Variants in PNPT1 observed in about 807,000 individuals in gnomAD.
PNPT1 encodes the protein polyribonucleotide nucleotidyltransferase 1.
PNPT1 carries 53 observed loss-of-function variants against 119.5 expected under a neutral mutation model. That is an observed-to-expected ratio of 0.44 (90% CI 0.36 to 0.56). PNPT1 has a LOEUF of 0.56. Among genes scored for constraint, PNPT1 ranks in the 20% least tolerant of loss-of-function variants. PNPT1 has a pLI of 0.00. For missense variants in PNPT1, 948 were observed against 938.5 expected (o/e 1.01, Z -0.13); for synonymous variants, 357 against 322.1 (o/e 1.11, Z -1.16).
At chr2:55,679,550 A>G in intron 8 of PNPT1, 132 bp downstream of exon 8, 2 of 601,016 alleles carry the variant, frequency 3.3e-6, no homozygotes, top group Non-Finnish European at 5.8e-6. Context: ...GCACAAAAAT[A>G]GGACAGAGAT....
At chr2:55,678,884 ATTAC>A (rs1420121690) in intron 8 of PNPT1, among the ~76,000 whole-genome samples, 13 of 152,256 alleles carry the variant, frequency 8.5e-5, no homozygotes, top group African/African-American at 3.1e-4. Context: ...TGTTTCACAT[ATTAC>A]TTGTACAAAA....
Position 55,668,036 on chromosome 2 carries a change from T to C in PNPT1, c.977-78A>G, listed in dbSNP as rs1696793088. ...GATTTCTCTAAAGTTCATAGCATAA[T>C]ATCAACTAACTACGGGAATCAACCA... is the stretch of plus-strand genomic sequence containing the variant. On this transcript the variant is annotated intron_variant, in intron 11 of 27. Transcript: ENST00000447944. 3 of 1,250,852 alleles carry C rather than the reference T, an allele frequency of 2.4e-6. 1 individual carries two copies. Among genetic ancestry groups the C allele is most frequent in the Admixed American group, 2.9e-5 (1 of 34,806 alleles). 77.5% of individuals were successfully genotyped at this position (1,250,852 alleles called of 1,614,324 possible). A position where few individuals can be genotyped will look rare whatever the true frequency, so the allele number is the denominator to read the frequency against.
In PNPT1 at chr2:55,643,162, T is replaced by C. The variant is rs1695885566; in HGVS notation, c.2065A>G (p.Ile689Val). Reference sequence around the variant, plus strand: ...TAGTATATTACTTGATATTACCTGATTTCAGTTATTGTGGCGGTATATACT... The same window carrying C: ...TAGTATATTACTTGATATTACCTGACTTCAGTTATTGTGGCGGTATATACT... ...GAVYTATITE[I>V]RDTGVMVKLY... Residue 689 changes from isoleucine to valine, a missense_variant, in exon 25 of 28, where the codon ATC becomes GTC. Physicochemically the swap from Ile to Val is conservative, Grantham distance 29 (BLOSUM62 3). Transcript: ENST00000447944. 1 of 1,614,004 alleles carries C rather than the reference T, an allele frequency of 6.2e-7. No individual in the cohort carries two copies. Among genetic ancestry groups the C allele is most frequent in the Admixed American group, 1.7e-5 (1 of 59,998 alleles).
In PNPT1 at chr2:55,635,934, T is replaced by C. The variant is rs998417243; in HGVS notation, c.*303A>G. 4 of 80,396 alleles carry C rather than the reference T, an allele frequency of 5.0e-5. No individual in the cohort carries two copies. Among genetic ancestry groups the C allele is most frequent in the Non-Finnish European group, 8.2e-5 (3 of 36,518 alleles). The allele number at this position is 80,396 out of a possible 1,614,324, so 5.0% of individuals were successfully genotyped here. A position where few individuals can be genotyped will look rare whatever the true frequency, so the allele number is the denominator to read the frequency against. ...TGTTATAATAACATATGACATATTC[T>C]ATCTAAGTTTTTCATATATTTCAGA... On this transcript the variant is annotated 3_prime_UTR_variant, in exon 28 of 28. Transcript: ENST00000447944.
chr2:55,653,231 G>A (rs1365386379), intron 18 of PNPT1, among the ~76,000 whole-genome samples: 1 of 152,094 alleles, frequency 6.6e-6, no homozygotes, highest in Non-Finnish European at 1.5e-5. Flanking sequence ...AGTTCATTGG[G>A]TTATACTTTA....
intron 8 of PNPT1, among the ~76,000 whole-genome samples, chr2:55,675,585 C>A (rs1420692282): frequency 1.3e-5 from 2 of 152,118 alleles, no homozygotes; most frequent in African/African-American, 4.8e-5. Context: ...GGATTCCCAG[C>A]TACTCAGGAG....
intron 17 of PNPT1, 27 bp downstream of exon 17, chr2:55,656,104 T>C (rs959232201): frequency 1.3e-6 from 2 of 1,597,124 alleles, no homozygotes; most frequent in Non-Finnish European, 1.7e-6. Flanking sequence ...TCTTTTCTAC[T>C]ATGAAAGAAG....
At chr2:55,657,789 A>T (rs1324232060) in intron 15 of PNPT1, among the ~76,000 whole-genome samples, 1 of 141,448 alleles carries the variant, frequency 7.1e-6, no homozygotes, top group East Asian at 2.3e-4. Flanking sequence ...ATGAGTGTAC[A>T]ATCAGCAACA....
chr2:55,637,649 G>C (rs747063351), intron 26 of PNPT1, 50 bp from the exon 27 acceptor site: 4 of 1,378,040 alleles, frequency 2.9e-6, no homozygotes, highest in Admixed American at 1.8e-5. Context: ...ATTATGTAGT[G>C]TCCATGGAAG....
In PNPT1 at chr2:55,647,436, C is replaced by A. The variant is rs1416075980; in HGVS notation, c.1513G>T (p.Ala505Ser). ...LMDSGVPISS[A>S]VAGVAIGLVT... ...AATCCTATTGCTACGCCTGCAACAG[C>A]AGATGAAATTGGAACCCCTATAATT... The change falls in exon 19 of 28, where the codon GCT (alanine) becomes TCT (serine). Residue 505 changes from alanine (A) to serine (S), a missense_variant. Physicochemically the swap from Ala to Ser is moderately conservative, Grantham distance 99 (BLOSUM62 1). Transcript: ENST00000447944. The A allele has an allele frequency of 2.5e-6, 4 of 1,607,946 alleles. No individual in the cohort carries two copies. Among genetic ancestry groups the A allele is most frequent in the Non-Finnish European group, 2.6e-6 (3 of 1,176,244 alleles).
Position 55,647,057 on chromosome 2 carries a change from G to C in PNPT1, c.1602+290C>G, listed in dbSNP as rs563318343. On this transcript the variant is annotated intron_variant, in intron 19 of 27. Coordinates refer to ENST00000447944, the MANE Select transcript of PNPT1 (RefSeq NM_033109.5). Reference sequence around the variant, plus strand: ...TTGCCACATTAGCCAGACTGGTCTGGAACTCCTGACTTCCCAAAGTGCTGG... The same window carrying C: ...TTGCCACATTAGCCAGACTGGTCTGCAACTCCTGACTTCCCAAAGTGCTGG... Among the ~76,000 whole-genome samples, 9 of 152,116 alleles carry C rather than the reference G, an allele frequency of 5.9e-5. No individual in the cohort carries two copies. The South Asian group carries it at 1.9e-3, about 32-fold the overall frequency.
intron 5 of PNPT1, among the ~76,000 whole-genome samples, chr2:55,681,231 A>G (rs1268107628): frequency 6.6e-6 from 1 of 151,964 alleles, no homozygotes; most frequent in Non-Finnish European, 1.5e-5. Flanking sequence ...ACATGGTGAA[A>G]CTCTGTCGCT....
intron 18 of PNPT1, among the ~76,000 whole-genome samples, chr2:55,654,568 A>G (rs1377061681): frequency 6.6e-6 from 1 of 152,226 alleles, no homozygotes; most frequent in East Asian, 1.9e-4. Context: ...TACTGCTTTT[A>G]GCTAAAAATA....
intron 2 of PNPT1, 53 bp from the exon 3 acceptor site, chr2:55,686,497 T>A: frequency 2.9e-6 from 4 of 1,368,932 alleles, no homozygotes; most frequent in Non-Finnish European, 4.1e-6. Context: ...GATATTAGCA[T>A]CTAAGTAGCA....
chr2:55,678,257 C>G (rs1697145485), intron 8 of PNPT1, among the ~76,000 whole-genome samples: 1 of 152,204 alleles, frequency 6.6e-6, no homozygotes, highest in Non-Finnish European at 1.5e-5. Flanking sequence ...CCGAGATGCT[C>G]AAACATGAGG....
rs191245653 is a variant in PNPT1, at chr2:55,666,130, A to G, written c.1176+861T>C. On this transcript the variant is annotated intron_variant, in intron 13 of 27. Coordinates refer to ENST00000447944, the MANE Select transcript of PNPT1 (RefSeq NM_033109.5). Reference sequence around the variant, plus strand: ...AACAGAAATACCAGATAATTCTAGAAAATGCAAACTAATTTATAGTGACAA... The same window carrying G: ...AACAGAAATACCAGATAATTCTAGAGAATGCAAACTAATTTATAGTGACAA... Among the ~76,000 whole-genome samples, 458 of 152,348 alleles carry G rather than the reference A, an allele frequency of 3.0e-3. 6 individuals are homozygous for G. The highest frequency in any genetic ancestry group is 0.011 in the African/African-American group (446 of 41,576).
intron 8 of PNPT1, among the ~76,000 whole-genome samples, chr2:55,675,764 GTAACTAC>G (rs200014437): frequency 3.5e-4 from 54 of 152,196 alleles, no homozygotes; most frequent in African/African-American, 1.3e-3. Context: ...GTCCAATATG[GTAACTAC>G]TAGCCACATA....
chr2:55,686,323 CT>C (rs769476564), intron 3 of PNPT1, 46 bp downstream of exon 3: 2 of 1,528,640 alleles, frequency 1.3e-6, no homozygotes, highest in African/African-American at 2.7e-5. Context: ...ACATTCTACA[CT>C]TTACTCAGAC....
At chr2:55,655,077 T>G (rs753162541) in intron 17 of PNPT1, 124 bp from the exon 18 acceptor site, 215 of 909,782 alleles carry the variant, frequency 2.4e-4, no homozygotes, top group Admixed American at 6.6e-4. Flanking sequence ...CTCTTCTTTT[T>G]AAAAGCAACT....
Sources: gnomAD v4.1 joint callset for allele counts (sites outside exome capture counted in the v4.1 genomes callset) on GRCh38, gnomAD v4.1.1 for gene constraint, MANE v1.5 for transcripts, NCBI Gene and HGNC (gene_info 2026-07-23, HGNC 2026-07-21) for gene names.